Variants in CMSS1 observed in about 807,000 individuals in gnomAD.
CMSS1 encodes the protein cms1 ribosomal small subunit homolog.
Under a neutral mutation model 43.5 loss-of-function variants are expected in CMSS1, and 33 were observed. The ratio of observed to expected loss-of-function variants is 0.76; its 90% CI spans 0.57 to 1.01. The LOEUF (loss-of-function observed/expected upper bound fraction) is 1.01, where lower values mean the gene tolerates loss of function less well. Among genes scored for constraint, CMSS1 ranks in the 50% least tolerant of loss-of-function variants. The pLI, the probability that CMSS1 is intolerant of heterozygous loss-of-function variation, is 0.00. For synonymous variants in CMSS1, 115 were observed against 117.2 expected (o/e 0.98, Z 0.12); for missense variants, 313 against 326.4 (o/e 0.96, Z 0.32).
intron 1 of CMSS1, among the ~76,000 whole-genome samples, chr3:100,056,839 C>A (rs1273032340): frequency 6.6e-6 from 1 of 151,996 alleles, no homozygotes; most frequent in Non-Finnish European, 1.5e-5. Context: ...CCCGTCTCTA[C>A]TAAAAATACA....
chr3:100,083,732 C>T (rs1472496398), intron 1 of CMSS1, among the ~76,000 whole-genome samples: 4 of 151,960 alleles, frequency 2.6e-5, no homozygotes, highest in African/African-American at 7.3e-5. Context: ...TTAACATCAC[C>T]ATTTCTTTGT....
At chr3:100,015,869 G>T (rs372429424) in intron 1 of CMSS1, among the ~76,000 whole-genome samples, 1 of 152,096 alleles carries the variant, frequency 6.6e-6, no homozygotes, top group Non-Finnish European at 1.5e-5. Flanking sequence ...ATAATGAGGC[G>T]ATGTATATAT....
At chr3:100,006,177 G>A (rs1284118271) in intron 1 of CMSS1, among the ~76,000 whole-genome samples, 1 of 152,100 alleles carries the variant, frequency 6.6e-6, no homozygotes, top group East Asian at 1.9e-4. Flanking sequence ...TGGGGGCTGG[G>A]GCAGTAAGAC....
At chr3:99,862,510 A>T (rs1418188401) in intron 1 of CMSS1, among the ~76,000 whole-genome samples, 1 of 152,108 alleles carries the variant, frequency 6.6e-6, no homozygotes, top group East Asian at 1.9e-4. Flanking sequence ...CATTTTGGTT[A>T]ATTCTTTGTT....
intron 1 of CMSS1, among the ~76,000 whole-genome samples, chr3:99,886,008 G>A (rs968745146): frequency 8.5e-5 from 13 of 152,184 alleles, no homozygotes; most frequent in Admixed American, 8.5e-4. Flanking sequence ...TGTTGATAAT[G>A]TTTGTTCACT....
intron 1 of CMSS1, among the ~76,000 whole-genome samples, chr3:99,931,403 T>C (rs1292775599): frequency 1.3e-5 from 2 of 152,192 alleles, no homozygotes; most frequent in African/African-American, 4.8e-5. Flanking sequence ...TATTGTAAAA[T>C]GGTGACTTTG....
intron 1 of CMSS1, chr3:99,848,676 G>C: frequency 6.2e-7 from 1 of 1,614,132 alleles, no homozygotes; most frequent in Non-Finnish European, 8.5e-7. Context: ...CCTGAATAGG[G>C]GACATTGTCC....
In CMSS1 at chr3:99,818,931, T is replaced by C. The variant is rs567142983; in HGVS notation, c.64+888T>C. Among the ~76,000 whole-genome samples, 8 of 152,352 alleles carry C rather than the reference T, an allele frequency of 5.3e-5. No homozygotes were observed. The East Asian group carries it at 1.5e-3, about 29-fold the overall frequency. ...TCCATCACACCTACCATGCAATTAT[T>C]GGTTGGTTGGTTTTTATCACTCCTC... On this transcript the variant is annotated intron_variant, in intron 1 of 9. Coordinates refer to ENST00000421999, the MANE Select transcript of CMSS1 (RefSeq NM_032359.4).
chr3:99,865,019 A>G (rs1197763234), intron 1 of CMSS1, among the ~76,000 whole-genome samples: 1 of 152,150 alleles, frequency 6.6e-6, no homozygotes, highest in Non-Finnish European at 1.5e-5. Context: ...TATTCAATAA[A>G]TATTTGAACA....
intron 1 of CMSS1, among the ~76,000 whole-genome samples, chr3:99,936,866 T>C (rs1422692740): frequency 6.6e-6 from 1 of 152,146 alleles, no homozygotes; most frequent in Non-Finnish European, 1.5e-5. Flanking sequence ...TCAACAAACA[T>C]TTATGAAATG....
intron 1 of CMSS1, chr3:99,876,039 C>T: frequency 8.1e-6 from 8 of 985,642 alleles, no homozygotes; most frequent in Non-Finnish European, 9.6e-6. Flanking sequence ...AGCAGTGCCC[C>T]TTGGTGGAGC....
chr3:100,004,354 A>C (rs922108421), intron 1 of CMSS1, among the ~76,000 whole-genome samples: 1 of 152,162 alleles, frequency 6.6e-6, no homozygotes, highest in Non-Finnish European at 1.5e-5. Context: ...TTCTCTGTGT[A>C]TTGTGACAGG....
At chr3:99,865,741 AGGGC>A (rs1944478790) in intron 1 of CMSS1, among the ~76,000 whole-genome samples, 1 of 151,824 alleles carries the variant, frequency 6.6e-6, no homozygotes, top group African/African-American at 2.4e-5. Context: ...ACAGACTTCA[AGGGC>A]ATAATAATAA....
chr3:100,094,691 T>C (rs2066172187), intron 1 of CMSS1, among the ~76,000 whole-genome samples: 1 of 136,908 alleles, frequency 7.3e-6, no homozygotes, highest in Non-Finnish European at 1.6e-5. Context: ...TTTTTTTTTT[T>C]TTTTTTTTTT....
chr3:100,024,361 G>A (rs2064880418), intron 1 of CMSS1, among the ~76,000 whole-genome samples: 1 of 151,960 alleles, frequency 6.6e-6, no homozygotes, highest in Non-Finnish European at 1.5e-5. Context: ...TTTCAATTTT[G>A]TTAAATTTTG....
intron 1 of CMSS1, among the ~76,000 whole-genome samples, chr3:99,965,896 G>A (rs1045649757): frequency 1.3e-5 from 2 of 152,108 alleles, no homozygotes; most frequent in African/African-American, 4.8e-5. Flanking sequence ...TGCCGCCACT[G>A]GACCATTTCT....
At chr3:99,950,853 TAAAGAG>T (rs1360682099) in intron 1 of CMSS1, among the ~76,000 whole-genome samples, 1 of 151,376 alleles carries the variant, frequency 6.6e-6, no homozygotes, top group African/African-American at 2.4e-5. Context: ...AGAGTAAAAA[TAAAGAG>T]AGAGAGAGAG....
intron 1 of CMSS1, among the ~76,000 whole-genome samples, chr3:100,117,884 T>G: frequency 7.9e-6 from 1 of 126,054 alleles, no homozygotes; most frequent in East Asian, 2.5e-4. Context: ...TATATACACA[T>G]ACAATGGAGT....
intron 1 of CMSS1, among the ~76,000 whole-genome samples, chr3:99,896,498 A>C (rs1450995990): frequency 2.0e-5 from 3 of 152,216 alleles, no homozygotes; most frequent in Admixed American, 1.3e-4. Flanking sequence ...CTGAGGCTTC[A>C]TACAGAGTCC....
Sources: gnomAD v4.1 joint callset for allele counts (sites outside exome capture counted in the v4.1 genomes callset) on GRCh38, gnomAD v4.1.1 for gene constraint, MANE v1.5 for transcripts, NCBI Gene and HGNC (gene_info 2026-07-23, HGNC 2026-07-21) for gene names.